Variants in RAP1GAP2 observed in about 807,000 individuals in gnomAD.
RAP1GAP2 encodes the protein rap1 GTPase-activating protein 2.
A neutral mutation model predicts 95.0 loss-of-function variants in RAP1GAP2; 27 were observed. The ratio of observed to expected loss-of-function variants is 0.28; its 90% CI spans 0.21 to 0.39. RAP1GAP2 has a LOEUF of 0.39. Among genes scored for constraint, RAP1GAP2 ranks in the 10% least tolerant of loss-of-function variants. RAP1GAP2 has a pLI of 1.00. For missense variants in RAP1GAP2, 771 were observed against 970.0 expected (o/e 0.79, Z 2.72); for synonymous variants, 373 against 380.9 (o/e 0.98, Z 0.24).
chr17:2,763,814 G>A (rs1016473710), intron 1 of RAP1GAP2, among the ~76,000 whole-genome samples: 38 of 152,234 alleles, frequency 2.5e-4, no homozygotes, highest in African/African-American at 8.7e-4. Context: ...TGAAGGCTGT[G>A]CAGGTGGCCG....
chr17:2,916,330 T>G (rs1034869807), intron 3 of RAP1GAP2, among the ~76,000 whole-genome samples: 14 of 152,224 alleles, frequency 9.2e-5, no homozygotes, highest in African/African-American at 2.9e-4. Flanking sequence ...CATGGCACTC[T>G]TTCCCAAGAG....
At position 2,799,658 on chromosome 17, in the gene RAP1GAP2, G is replaced by A. The variant is rs552906836; in HGVS notation, c.45-857G>A. On this transcript the variant is annotated intron_variant, in intron 1 of 24. Coordinates refer to ENST00000254695, the MANE Select transcript of RAP1GAP2 (RefSeq NM_015085.5). ...ATGGACAGTGATGGTGACACGAATC[G>A]TGATGTTGCAAAGGCAGCATTGGTG... Among the ~76,000 whole-genome samples the A allele has an allele frequency of 5.3e-5, 8 of 152,306 alleles. No homozygotes were observed. In the South Asian group the frequency reaches 6.2e-4, roughly 12 times the overall value.
chr17:2,939,994 A>G (rs2043435092), intron 3 of RAP1GAP2, among the ~76,000 whole-genome samples: 1 of 152,260 alleles, frequency 6.6e-6, no homozygotes, highest in African/African-American at 2.4e-5. Flanking sequence ...TGGTGGTAGC[A>G]GCTGCAGTGG....
At chr17:2,794,085 T>C (rs1457869564), upstream of RAP1GAP2, among the ~76,000 whole-genome samples, 1 of 131,942 alleles carries the variant, frequency 7.6e-6, no homozygotes, top group African/African-American at 2.7e-5. Flanking sequence ...AGAGCGAGAC[T>C]CTTCAAAAAA....
intron 8 of RAP1GAP2, among the ~76,000 whole-genome samples, chr17:2,979,711 C>T (rs544577285): frequency 1.4e-3 from 206 of 146,974 alleles, no homozygotes; most frequent in African/African-American, 4.7e-3. Context: ...GTGATCCACC[C>T]TCTTTGGCTT....
intron 2 of RAP1GAP2, among the ~76,000 whole-genome samples, chr17:2,881,855 A>G (rs527637978): frequency 1.3e-5 from 2 of 151,904 alleles, no homozygotes; most frequent in Non-Finnish European, 2.9e-5. Context: ...GAGTCTCGCT[A>G]TGTCGCCCAA....
chr17:2,820,613 C>T (rs2070244903), intron 2 of RAP1GAP2, among the ~76,000 whole-genome samples: 1 of 144,498 alleles, frequency 6.9e-6, no homozygotes, highest in African/African-American at 2.7e-5. Flanking sequence ...ATGAGAGACA[C>T]CGTCTCAAAA....
Position 3,034,827 on chromosome 17 carries a change from A to G in RAP1GAP2, c.*1466A>G, listed in dbSNP as rs946327613. On this transcript the variant is annotated 3_prime_UTR_variant, in exon 25 of 25. Coordinates refer to ENST00000254695, the MANE Select transcript of RAP1GAP2 (RefSeq NM_015085.5). The surrounding 1 kb of genome is among the most constrained non-coding windows in gnomAD (Gnocchi z 5.1). ...GGGTTAAGGTGGGCATCCTCCAGGTACAACGAGCCTGAAGAGCCCCTTTCA... is the reference window on the plus strand; with the variant it reads ...GGGTTAAGGTGGGCATCCTCCAGGTGCAACGAGCCTGAAGAGCCCCTTTCA... 5 of 152,388 alleles carry G rather than the reference A, an allele frequency of 3.3e-5. No individual in the cohort carries two copies. Among genetic ancestry groups the G allele is most frequent in the African/African-American group, 1.2e-4 (5 of 41,464 alleles). The allele number at this position is 152,388 out of a possible 1,614,324, so 9.4% of individuals were successfully genotyped here.
intron 3 of RAP1GAP2, among the ~76,000 whole-genome samples, chr17:2,909,263 T>G (rs2042293596): frequency 6.6e-6 from 1 of 152,042 alleles, no homozygotes; most frequent in Non-Finnish European, 1.5e-5. Flanking sequence ...CCGGCAGCAG[T>G]GCCAGCTGCT....
At chr17:3,030,577 C>G (rs2047260266) in intron 22 of RAP1GAP2, among the ~76,000 whole-genome samples, 1 of 152,094 alleles carries the variant, frequency 6.6e-6, no homozygotes, top group Non-Finnish European at 1.5e-5. Context: ...GTGTTTCTAC[C>G]ACATGGATAC....
At position 2,825,136 on chromosome 17, in the gene RAP1GAP2, G is replaced by C. The variant is rs2070491739; in HGVS notation, c.80+24586G>C. ...TCTTATAGAGATGGGGTCTTGCTATGCTGTCCAGGCTGGTCTTGAACTCCT... is the reference window on the plus strand; with the variant it reads ...TCTTATAGAGATGGGGTCTTGCTATCCTGTCCAGGCTGGTCTTGAACTCCT... On this transcript the variant is annotated intron_variant, in intron 2 of 24. Coordinates refer to ENST00000254695, the MANE Select transcript of RAP1GAP2 (RefSeq NM_015085.5). The surrounding 1 kb of genome is among the most constrained non-coding windows in gnomAD (Gnocchi z 4.1). Among the ~76,000 whole-genome samples the C allele has an allele frequency of 6.6e-6, 1 of 152,112 alleles. No homozygotes were observed. The highest frequency in any genetic ancestry group is 6.6e-5 in the Admixed American group (1 of 15,262).
At chr17:2,829,438 T>C (rs1023182542) in intron 2 of RAP1GAP2, among the ~76,000 whole-genome samples, 2 of 151,794 alleles carry the variant, frequency 1.3e-5, no homozygotes, top group Non-Finnish European at 2.9e-5. Flanking sequence ...CGGTAGAAAA[T>C]GGTCCCAGCG....
At chr17:2,774,988 A>ATTTTTT (rs57384328), upstream of RAP1GAP2, among the ~76,000 whole-genome samples, 1 of 146,358 alleles carries the variant, frequency 6.8e-6, no homozygotes. Context: ...GCCCTGCTAA[A>ATTTTTT]TTTTTTTTTT....
At chr17:2,992,751 T>G (rs943641129) in intron 12 of RAP1GAP2, among the ~76,000 whole-genome samples, 8 of 152,172 alleles carry the variant, frequency 5.3e-5, no homozygotes, top group African/African-American at 1.9e-4. Context: ...TGTCCTTCCT[T>G]CTTTTTCCTT....
intron 2 of RAP1GAP2, among the ~76,000 whole-genome samples, chr17:2,847,372 T>A (rs2071634311): frequency 6.6e-6 from 1 of 152,128 alleles, no homozygotes; most frequent in South Asian, 2.1e-4. Flanking sequence ...GCTAGGGTCA[T>A]TACAGTAACT....
rs559862802 is a variant in RAP1GAP2 at position 2,800,599 on chromosome 17, G to C, written c.80+49G>C. Reference sequence around the variant, plus strand: ...TAAAGGTCAGAGATGACGCGGATCAGAGCGCCGGGCCCTTGCTCCCCCCAG... The same window carrying C: ...TAAAGGTCAGAGATGACGCGGATCACAGCGCCGGGCCCTTGCTCCCCCCAG... On this transcript the variant is annotated intron_variant, in intron 2 of 24. Transcript: ENST00000254695. 3.1e-6 allele frequency: 5 copies of C among 1,588,154 alleles called. No homozygotes were observed. In the South Asian group the frequency reaches 5.7e-5, roughly 18 times the overall value.
intron 12 of RAP1GAP2, 81 bp from the exon 13 acceptor site, chr17:2,995,256 A>G (rs551456229): frequency 6.7e-7 from 1 of 1,494,136 alleles, no homozygotes; most frequent in African/African-American, 1.4e-5. Flanking sequence ...TCTGCTGCGT[A>G]TACTTAGGGG....
rs572702705 is a variant in RAP1GAP2, at chr17:2,827,260, G to A, written c.80+26710G>A. The stretch of plus-strand genomic sequence containing the variant: ...AGCTCAGCTGAGTGGATACCCACTC[G>A]CACATCCAACAGCTCTCATTCCCAA... On this transcript the variant is annotated intron_variant, in intron 2 of 24. Coordinates refer to ENST00000254695, the MANE Select transcript of RAP1GAP2 (RefSeq NM_015085.5). This position sits in a 1 kb window ranked among gnomAD's most constrained non-coding sequence, Gnocchi z 4.1. 6.6e-6 allele frequency among the ~76,000 whole-genome samples: 1 copy of A among 152,106 alleles called. No homozygotes were observed. The highest frequency in any genetic ancestry group is 1.9e-4 in the East Asian group (1 of 5,176).
rs555180995 is a variant in RAP1GAP2, at chr17:2,902,115, C to T, written c.81-3169C>T. On this transcript the variant is annotated intron_variant, in intron 2 of 24. Transcript: ENST00000254695. This position sits in a 1 kb window ranked among gnomAD's most constrained non-coding sequence, Gnocchi z 4.1. Reference sequence around the variant, plus strand: ...CGCCTCTTCTAGCCTCTGGCGGGGTCGGCAAGCCTCAGCATGCGTTGGCTT... The same window carrying T: ...CGCCTCTTCTAGCCTCTGGCGGGGTTGGCAAGCCTCAGCATGCGTTGGCTT... Among the ~76,000 whole-genome samples, 1 of 152,224 alleles carries T rather than the reference C, an allele frequency of 6.6e-6. No homozygotes were observed. Among genetic ancestry groups the T allele is most frequent in the African/African-American group, 2.4e-5 (1 of 41,458 alleles).
Sources: allele counts gnomAD v4.1 joint callset (sites outside exome capture counted in the v4.1 genomes callset), GRCh38; gene constraint gnomAD v4.1.1; non-coding constraint Gnocchi (gnomAD v3.1); transcripts MANE v1.5; gene names NCBI Gene and HGNC (gene_info 2026-07-23, HGNC 2026-07-21).